The following REV1 variants were observed in gnomAD, a reference collection of about 807,000 sequenced individuals.
The protein encoded by REV1 is translesion synthesis protein REV1.
REV1 carries 42 observed loss-of-function variants against 137.4 expected under a neutral mutation model. The ratio of observed to expected loss-of-function variants is 0.31; its 90% CI spans 0.24 to 0.40. The LOEUF is 0.40. Among genes scored for constraint, REV1 ranks in the 10% least tolerant of loss-of-function variants. REV1 has a pLI of 1.00. For synonymous variants in REV1, 524 were observed against 519.2 expected (o/e 1.01, Z -0.12); for missense variants, 1,282 against 1,490.1 (o/e 0.86, Z 2.30).
At position 99,474,337 on chromosome 2, in the gene REV1, G is replaced by A. The variant is rs148993066; in HGVS notation, c.-10-9352C>T. ...AAAAGTTCTGTAAGGCTGCACTGCT[G>A]GCTTGTGGTACAAAATCATACTCAT... On this transcript the variant is annotated intron_variant, in intron 1 of 22. Transcript: ENST00000258428. Among the ~76,000 whole-genome samples, 325 of 152,260 alleles carry A rather than the reference G, an allele frequency of 2.1e-3. 1 individual carries two copies. Among genetic ancestry groups the A allele is most frequent in the African/African-American group, 7.3e-3 (302 of 41,548 alleles).
intron 3 of REV1, 76 bp downstream of exon 3, chr2:99,462,420 T>A (rs1001048919): frequency 7.3e-7 from 1 of 1,365,896 alleles, no homozygotes; most frequent in Admixed American, 2.2e-5. Flanking sequence ...TGAGTAAAAA[T>A]AGAATTTTAA....
rs1348738656 is a variant in REV1, at chr2:99,415,440, C to T, written c.1952-2489G>A. ...GTGGCCAATAATGTCCCCTCCTTGG[C>T]ATCCAGAACTTGGCTATCCAATACA... is the stretch of plus-strand genomic sequence containing the variant. On this transcript the variant is annotated intron_variant, in intron 12 of 22. Coordinates refer to ENST00000258428, the MANE Select transcript of REV1 (RefSeq NM_016316.4). Among the ~76,000 whole-genome samples, 5 of 152,322 alleles carry T rather than the reference C, an allele frequency of 3.3e-5. No homozygotes were observed. In the South Asian group the frequency reaches 6.2e-4, roughly 19 times the overall value.
At chr2:99,436,788 A>G (rs989473152) in intron 6 of REV1, 4 of 152,124 alleles carry the variant, frequency 2.6e-5, no homozygotes, top group Non-Finnish European at 4.4e-5. Flanking sequence ...AAGATACACA[A>G]ATCCTGGAAA....
chr2:99,469,996 C>T (rs1460376369), intron 1 of REV1, among the ~76,000 whole-genome samples: 2 of 151,964 alleles, frequency 1.3e-5, no homozygotes, highest in Admixed American at 6.6e-5. Flanking sequence ...TGGCGGTCAC[C>T]TGTAGTCCCA....
intron 1 of REV1, among the ~76,000 whole-genome samples, chr2:99,469,216 T>C (rs1027520396): frequency 5.3e-5 from 8 of 152,268 alleles, no homozygotes; most frequent in South Asian, 2.1e-4. Context: ...ATGCTTTTTT[T>C]CCCCCGTAAG....
At chr2:99,482,587 A>G (rs1439832650) in intron 1 of REV1, among the ~76,000 whole-genome samples, 1 of 152,136 alleles carries the variant, frequency 6.6e-6, no homozygotes, top group Non-Finnish European at 1.5e-5. Context: ...ACAGCTATAA[A>G]ATAGGATATG....
At chr2:99,413,295 C>T (rs1429243897) in intron 12 of REV1, among the ~76,000 whole-genome samples, 1 of 152,142 alleles carries the variant, frequency 6.6e-6, no homozygotes, top group Non-Finnish European at 1.5e-5. Context: ...AATCAACTGT[C>T]ATTTAAACAA....
At chr2:99,440,700 G>A (rs1308527649) in intron 5 of REV1, among the ~76,000 whole-genome samples, 1 of 152,216 alleles carries the variant, frequency 6.6e-6, no homozygotes, top group Non-Finnish European at 1.5e-5. Context: ...AGAAGTCACA[G>A]ATGAGCATTT....
Position 99,434,382 on chromosome 2 carries a change from G to A in REV1, c.1388C>T (p.Pro463Leu), listed in dbSNP as rs767840556. 1 of 1,607,330 alleles carries A rather than the reference G, an allele frequency of 6.2e-7. No individual in the cohort carries two copies. The highest frequency in any genetic ancestry group is 1.1e-5 in the South Asian group (1 of 89,574). Residue 463 changes from proline (P) to leucine (L), a missense_variant, in exon 8 of 23, where the codon CCC (proline) becomes CTC (leucine). Physicochemically the swap from Pro to Leu is moderately conservative, Grantham distance 98. Transcript: ENST00000258428. ...CTGGTAATACTGCCACTCCAGCTGGGGGTTAGCGCCAGGACGTAAAGGTGC... is the reference window on the plus strand; with the variant it reads ...CTGGTAATACTGCCACTCCAGCTGGAGGTTAGCGCCAGGACGTAAAGGTGC... Reference protein sequence around the residue: ...GRAPLRPGANPQLEWQYYQNK... With the variant: ...GRAPLRPGANLQLEWQYYQNK...
chr2:99,436,989 TG>T (rs370764851), intron 6 of REV1, among the ~76,000 whole-genome samples: 10 of 145,926 alleles, frequency 6.9e-5, no homozygotes, highest in African/African-American at 2.3e-4. Flanking sequence ...ACTTTTTTTT[TG>T]TTTTTTTTTT....
intron 4 of REV1, among the ~76,000 whole-genome samples, chr2:99,442,741 A>G (rs769005707): frequency 7.9e-5 from 12 of 152,202 alleles, no homozygotes; most frequent in Non-Finnish European, 1.3e-4. Flanking sequence ...AGAATCATCA[A>G]GACTTCATCA....
At chr2:99,462,398 G>C in intron 3 of REV1, 98 bp downstream of exon 3, 1 of 1,112,706 alleles carries the variant, frequency 9.0e-7, no homozygotes, top group Non-Finnish European at 1.3e-6. Context: ...ACAATCATTT[G>C]TCTATAATAA....
intron 3 of REV1, among the ~76,000 whole-genome samples, chr2:99,461,997 T>G (rs759151243): frequency 6.6e-6 from 1 of 152,172 alleles, no homozygotes; most frequent in Non-Finnish European, 1.5e-5. Context: ...AGAGACTAAG[T>G]GAAATTTTAC....
intron 1 of REV1, among the ~76,000 whole-genome samples, chr2:99,489,610 G>C (rs1022484546): frequency 7.4e-5 from 11 of 149,072 alleles, no homozygotes; most frequent in African/African-American, 2.4e-4. Context: ...TAACCCGGCG[G>C]CTGCGAGCGT....
chr2:99,410,992 T>A, intron 13 of REV1, 125 bp from the exon 14 acceptor site: 2 of 907,786 alleles, frequency 2.2e-6, no homozygotes, highest in Non-Finnish European at 3.1e-6. Context: ...CAGCATCTAT[T>A]AAAAAGAAAC....
intron 3 of REV1, among the ~76,000 whole-genome samples, chr2:99,458,933 G>T (rs981285208): frequency 5.9e-5 from 9 of 152,238 alleles, no homozygotes; most frequent in Admixed American, 6.5e-5. Flanking sequence ...TGGAGGCCGG[G>T]CGCGGTGGCT....
intron 5 of REV1, among the ~76,000 whole-genome samples, chr2:99,441,979 C>T (rs1169470349): frequency 1.3e-5 from 2 of 152,198 alleles, no homozygotes; most frequent in East Asian, 1.9e-4. Context: ...TGTGGCCAGG[C>T]GTGGTGGCTC....
At chr2:99,402,161 A>G in intron 22 of REV1, 83 bp downstream of exon 22, 1 of 635,998 alleles carries the variant, frequency 1.6e-6, no homozygotes, top group South Asian at 2.0e-5. Context: ...ACAGTTTCCC[A>G]GAAAGTTTAA....
At chr2:99,418,987 A>G (rs374500583) in intron 11 of REV1, 40 bp from the exon 12 acceptor site, 264 of 1,500,920 alleles carry the variant, frequency 1.8e-4, no homozygotes, top group Middle Eastern at 1.7e-3. Flanking sequence ...AGTCACAATT[A>G]TTTTTTAAAT....
Sources: allele counts gnomAD v4.1 joint callset (sites outside exome capture counted in the v4.1 genomes callset), GRCh38; gene constraint gnomAD v4.1.1; transcripts MANE v1.5; gene names NCBI Gene and HGNC (gene_info 2026-07-23, HGNC 2026-07-21).